The following SOX6 variants were observed in gnomAD, a reference collection of about 807,000 sequenced individuals.
The protein encoded by SOX6 is SRY-box transcription factor 6, also known as transcription factor SOX-6.
SOX6 carries 11 observed loss-of-function variants against 97.8 expected under a neutral mutation model. That is an observed-to-expected ratio of 0.11 (90% CI 0.07 to 0.19). The LOEUF is 0.19. Ranked by LOEUF, SOX6 falls within the 10% of genes least tolerant of loss-of-function variation. The pLI is 1.00. For missense variants in SOX6, 810 were observed against 1,039.5 expected (o/e 0.78, Z 3.04); for synonymous variants, 360 against 371.4 (o/e 0.97, Z 0.35).
At chr11:16,029,269 C>A (rs905441687) in intron 12 of SOX6, among the ~76,000 whole-genome samples, 1 of 152,116 alleles carries the variant, frequency 6.6e-6, no homozygotes, top group African/African-American at 2.4e-5. Flanking sequence ...GCACTTCTGC[C>A]CAGATAAGGA....
chr11:16,417,717 A>G (rs779114270), intron 1 of SOX6, among the ~76,000 whole-genome samples: 1 of 152,222 alleles, frequency 6.6e-6, no homozygotes, highest in Non-Finnish European at 1.5e-5. Context: ...CTATTTTTAT[A>G]AAACAAATAT....
At chr11:16,367,531 A>G (rs1218212240) in intron 1 of SOX6, among the ~76,000 whole-genome samples, 1 of 152,212 alleles carries the variant, frequency 6.6e-6, no homozygotes, top group Admixed American at 6.5e-5. Context: ...TACAGATAGT[A>G]CTGCGTATCC....
At chr11:16,132,480 G>GAAA (rs1367390359) in intron 6 of SOX6, among the ~76,000 whole-genome samples, 5 of 145,508 alleles carry the variant, frequency 3.4e-5, no homozygotes, top group Non-Finnish European at 3.0e-5. Flanking sequence ...AAGAAAGAAA[G>GAAA]AAAGAAAGAA....
At chr11:16,148,091 T>C (rs1290604661) in intron 6 of SOX6, among the ~76,000 whole-genome samples, 1 of 152,204 alleles carries the variant, frequency 6.6e-6, no homozygotes, top group African/African-American at 2.4e-5. Flanking sequence ...TTGTGTACCA[T>C]TGCCTGAGCC....
chr11:16,283,936 T>C, intron 3 of SOX6: 2 of 425,126 alleles, frequency 4.7e-6, no homozygotes, highest in South Asian at 1.7e-5. Context: ...ATATAAAAGA[T>C]GACCAAATTC....
chr11:16,674,717 AAGGCAGGC>A (rs1847872545), intron 3 of SOX6, among the ~76,000 whole-genome samples: 1 of 152,174 alleles, frequency 6.6e-6, no homozygotes, highest in Non-Finnish European at 1.5e-5. Context: ...TTGGGAAGCC[AAGGCAGGC>A]AGATCACCTG....
intron 3 of SOX6, among the ~76,000 whole-genome samples, chr11:16,652,273 T>C (rs891029320): frequency 2.0e-5 from 3 of 152,124 alleles, no homozygotes; most frequent in East Asian, 1.9e-4. Flanking sequence ...TTAAAATTCA[T>C]GTAGAACCTA....
At chr11:16,041,493 A>T (rs1342009447) in intron 12 of SOX6, among the ~76,000 whole-genome samples, 4 of 152,160 alleles carry the variant, frequency 2.6e-5, no homozygotes, top group Admixed American at 6.6e-5. Flanking sequence ...TCAAAAAATG[A>T]ACAATGGCTT....
intron 3 of SOX6, among the ~76,000 whole-genome samples, chr11:16,628,801 G>A (rs1848663293): frequency 6.6e-6 from 1 of 152,128 alleles, no homozygotes; most frequent in African/African-American, 2.4e-5. Flanking sequence ...TCTTTTAGCA[G>A]TGTTTTGTAT....
intron 3 of SOX6, among the ~76,000 whole-genome samples, chr11:16,708,985 T>C (rs1848156926): frequency 6.6e-6 from 1 of 152,202 alleles, no homozygotes; most frequent in African/African-American, 2.4e-5. Context: ...TTGTGTACCA[T>C]GTTTAAATGA....
Position 16,734,681 on chromosome 11 carries a change from T to TA in SOX6, n.353+1657dup, listed in dbSNP as rs563950907. On this transcript the variant is annotated intron_variant and non_coding_transcript_variant, in intron 2 of 5. Transcript: ENST00000524520. Reference sequence around the variant, plus strand: ...TGTCCTACTAATACTTTAACATGTCTAAAATCAAAGTCATCCTACCACATA... The same window carrying TA: ...TGTCCTACTAATACTTTAACATGTCTAAAAATCAAAGTCATCCTACCACATA... Among the ~76,000 whole-genome samples the TA allele has an allele frequency of 6.4e-3, 976 of 152,318 alleles. 5 individuals carry two copies. Among genetic ancestry groups the TA allele is most frequent in the Non-Finnish European group, 1.0e-2 (679 of 68,016 alleles).
At chr11:16,021,756 C>T (rs1244060913) in intron 12 of SOX6, among the ~76,000 whole-genome samples, 1 of 152,096 alleles carries the variant, frequency 6.6e-6, no homozygotes, top group Non-Finnish European at 1.5e-5. Flanking sequence ...TAGTTACGGA[C>T]TAACTGCTGT....
intron 1 of SOX6, among the ~76,000 whole-genome samples, chr11:16,476,026 C>T (rs150738572): frequency 7.3e-4 from 111 of 152,166 alleles, no homozygotes; most frequent in African/African-American, 2.4e-3. Context: ...TAACTCATTC[C>T]TACAATTGAG....
At chr11:16,222,257 T>C (rs1852560716) in intron 4 of SOX6, among the ~76,000 whole-genome samples, 1 of 152,180 alleles carries the variant, frequency 6.6e-6, no homozygotes, top group Non-Finnish European at 1.5e-5. Flanking sequence ...ATTTGTTTCA[T>C]GTTACTATGC....
chr11:16,074,128 C>T (rs1228272487), intron 9 of SOX6, among the ~76,000 whole-genome samples: 1 of 151,816 alleles, frequency 6.6e-6, no homozygotes, highest in Non-Finnish European at 1.5e-5. Flanking sequence ...AACTGAGATG[C>T]AAAAAACCAT....
chr11:16,043,343 T>C (rs1334220496), intron 12 of SOX6, among the ~76,000 whole-genome samples: 3 of 152,132 alleles, frequency 2.0e-5, no homozygotes, highest in African/African-American at 7.2e-5. Flanking sequence ...ACAGAAGCTA[T>C]GTTGAAACGA....
At chr11:16,099,118 C>T (rs1417989195) in intron 7 of SOX6, among the ~76,000 whole-genome samples, 1 of 151,770 alleles carries the variant, frequency 6.6e-6, no homozygotes, top group South Asian at 2.1e-4. Flanking sequence ...GCATATGGAG[C>T]GCTGCTACAA....
At chr11:16,630,918 T>C (rs1306593273) in intron 3 of SOX6, among the ~76,000 whole-genome samples, 1 of 152,222 alleles carries the variant, frequency 6.6e-6, no homozygotes, top group Non-Finnish European at 1.5e-5. Context: ...TATTCTTTAT[T>C]GTTTTCCATG....
chr11:16,523,462 C>T (rs1385920066), intron 4 of SOX6, among the ~76,000 whole-genome samples: 2 of 152,050 alleles, frequency 1.3e-5, no homozygotes, highest in East Asian at 1.9e-4. Flanking sequence ...ATACCAGAAT[C>T]TCTGGGACAC....
Sources: allele counts gnomAD v4.1 joint callset (sites outside exome capture counted in the v4.1 genomes callset), GRCh38; gene constraint gnomAD v4.1.1; transcripts MANE v1.5; gene names NCBI Gene and HGNC (gene_info 2026-07-23, HGNC 2026-07-21).